The following MRM1 variants were observed in gnomAD, a reference collection of about 807,000 sequenced individuals.
The protein encoded by MRM1 is mitochondrial rRNA methyltransferase 1.
MRM1 carries 24 observed loss-of-function variants against 25.0 expected under a neutral mutation model. The observed-to-expected ratio is 0.96, with a 90% CI of 0.69 to 1.35. MRM1 has a LOEUF of 1.35. Among genes scored for constraint, MRM1 ranks in the 40% most tolerant of loss-of-function variants. The pLI, the probability that MRM1 is intolerant of heterozygous loss-of-function variation, is 0.00. For synonymous variants in MRM1, 188 were observed against 199.2 expected (o/e 0.94, Z 0.47); for missense variants, 431 against 464.1 (o/e 0.93, Z 0.65).
rs35548352 is a variant in MRM1, at chr17:36,605,153, AAGAG to A, written c.637-2497_637-2494del. On this transcript the variant is annotated intron_variant, in intron 2 of 4. Coordinates refer to ENST00000614766, the MANE Select transcript of MRM1 (RefSeq NM_024864.5). Reference sequence around the variant, plus strand: ...GAAACTCTATCTCAAAAAAAAAAAAAAGAGAGAGAGAGAGAGAGAGAGATGGGGT... The same window carrying A: ...GAAACTCTATCTCAAAAAAAAAAAAAAGAGAGAGAGAGAGAGAGATGGGGT... Among the ~76,000 whole-genome samples the A allele has an allele frequency of 4.5e-3, 651 of 145,186 alleles. 1 individual carries two copies. Among genetic ancestry groups the A allele is most frequent in the South Asian group, 6.8e-3 (31 of 4,566 alleles).
the MRM1 span, among the ~76,000 whole-genome samples, chr17:36,629,083 T>G: frequency 8.5e-5 from 13 of 152,226 alleles, no homozygotes; most frequent in South Asian, 4.1e-4. Context: ...TTGTTTAAGA[T>G]TTGCCAAAAA....
At chr17:36,604,903 G>T (rs892151586) in intron 2 of MRM1, among the ~76,000 whole-genome samples, 126 of 152,072 alleles carry the variant, frequency 8.3e-4, no homozygotes, top group African/African-American at 3.0e-3. Flanking sequence ...ACTTTGGGAG[G>T]CTGAGGCAGG....
At chr17:36,632,627 A>G in the MRM1 span, among the ~76,000 whole-genome samples, 1 of 151,950 alleles carries the variant, frequency 6.6e-6, no homozygotes, top group African/African-American at 2.4e-5. Flanking sequence ...TCCCCACCCC[A>G]ATTCTTTCTC....
the MRM1 span, among the ~76,000 whole-genome samples, chr17:36,620,066 T>C: frequency 6.6e-6 from 1 of 152,206 alleles, no homozygotes; most frequent in South Asian, 2.1e-4. Flanking sequence ...GCTATTGAGT[T>C]GTAGGAGTTC....
At chr17:36,620,690 G>A in the MRM1 span, among the ~76,000 whole-genome samples, 1 of 152,178 alleles carries the variant, frequency 6.6e-6, no homozygotes, top group East Asian at 1.9e-4. Context: ...GAGCTCAAAG[G>A]TTCAGCCAGC....
At chr17:36,631,597 G>A in the MRM1 span, among the ~76,000 whole-genome samples, 1 of 152,236 alleles carries the variant, frequency 6.6e-6, no homozygotes, top group Non-Finnish European at 1.5e-5. Context: ...CACACCAAAC[G>A]CGGGGCATCC....
At position 36,602,006 on chromosome 17, in the gene MRM1, C is replaced by A. The variant is rs150793618; in HGVS notation, c.196C>A (p.Arg66Ser). 185 of 1,611,424 alleles carry A rather than the reference C, an allele frequency of 1.1e-4. 1 individual carries two copies. The highest frequency in any genetic ancestry group is 1.5e-4 in the Non-Finnish European group (179 of 1,178,976). ...GTGTCTCCTGGCTCTGCAGGCCGCC[C>A]GCCGCTCTGTGGCCCGGCTCCTGCT... ...TPCLLALQAA[R>S]RSVARLLLQA... Residue 66 changes from arginine (R) to serine (S), a missense_variant, in exon 1 of 5, where the codon CGC (arginine) becomes AGC (serine). Arg to Ser is a moderately radical substitution (Grantham distance 110). Transcript: ENST00000614766. The surrounding 1 kb of genome is among the most constrained non-coding windows in gnomAD (Gnocchi z 4.1).
the MRM1 span, among the ~76,000 whole-genome samples, chr17:36,628,532 A>G: frequency 6.6e-6 from 1 of 152,308 alleles, no homozygotes; most frequent in East Asian, 1.9e-4. Flanking sequence ...ATGGACATGC[A>G]GGATGCAGTG....
At chr17:36,632,605 C>T in the MRM1 span, among the ~76,000 whole-genome samples, 1 of 152,244 alleles carries the variant, frequency 6.6e-6, no homozygotes. Flanking sequence ...TGTGCTCCCC[C>T]CCACTGCCAT....
intron 2 of MRM1, 128 bp from the exon 3 acceptor site, chr17:36,607,542 G>C: frequency 1.7e-6 from 2 of 1,149,342 alleles, no homozygotes; most frequent in Non-Finnish European, 2.4e-6. Context: ...AGGATCACCA[G>C]AACCCAGGCG....
At chr17:36,609,921 A>C (rs1029471245), downstream of MRM1, among the ~76,000 whole-genome samples, 1 of 152,176 alleles carries the variant, frequency 6.6e-6, no homozygotes, top group African/African-American at 2.4e-5. Flanking sequence ...TTGTTTAAAA[A>C]GGGCCTATGC....
the MRM1 span, among the ~76,000 whole-genome samples, chr17:36,623,243 C>T: frequency 6.6e-6 from 1 of 152,120 alleles, no homozygotes; most frequent in Non-Finnish European, 1.5e-5. Context: ...AATATTTAGG[C>T]CTGAGACAGT....
Position 36,608,023 on chromosome 17 carries a change from G to A in MRM1, c.889+5G>A, listed in dbSNP as rs753560909. On this transcript the variant is annotated splice_donor_5th_base_variant and intron_variant, in intron 4 of 4. Transcript: ENST00000614766. Reference sequence around the variant, plus strand: ...TGAACGTCTCTGTGGCTGCAGGTGAGTCTACTCCCCTTTCCCTTTCCTCTA... The same window carrying A: ...TGAACGTCTCTGTGGCTGCAGGTGAATCTACTCCCCTTTCCCTTTCCTCTA... The A allele has an allele frequency of 2.0e-5, 32 of 1,613,762 alleles. No homozygotes were observed. The highest frequency in any genetic ancestry group is 2.5e-5 in the Non-Finnish European group (29 of 1,179,938).
At chr17:36,623,909 C>T in the MRM1 span, among the ~76,000 whole-genome samples, 8 of 152,188 alleles carry the variant, frequency 5.3e-5, no homozygotes, top group East Asian at 1.9e-4. Context: ...TGGAAGCCCC[C>T]GCTCGGACCT....
chr17:36,623,634 C>A, the MRM1 span, among the ~76,000 whole-genome samples: 4 of 152,210 alleles, frequency 2.6e-5, no homozygotes, highest in Non-Finnish European at 5.9e-5. Context: ...GGTGGGGGCA[C>A]TCCAGCTCCT....
chr17:36,617,173 A>G, the MRM1 span, among the ~76,000 whole-genome samples: 43 of 152,202 alleles, frequency 2.8e-4, no homozygotes, highest in Middle Eastern at 6.8e-3. Context: ...TGCTGCAAAG[A>G]GCCTTGGCCC....
chr17:36,622,296 G>C, the MRM1 span, among the ~76,000 whole-genome samples: 7 of 152,158 alleles, frequency 4.6e-5, no homozygotes, highest in African/African-American at 1.7e-4. Context: ...TTCAGACTGG[G>C]CGTGGTGGCT....
At chr17:36,609,845 A>G (rs1437410043), downstream of MRM1, among the ~76,000 whole-genome samples, 12 of 152,354 alleles carry the variant, frequency 7.9e-5, no homozygotes, top group Non-Finnish European at 4.4e-5. Context: ...TTTCTCTGGA[A>G]TCCATCTGCA....
At chr17:36,624,745 TG>T in the MRM1 span, among the ~76,000 whole-genome samples, 1 of 152,176 alleles carries the variant, frequency 6.6e-6, no homozygotes, top group Non-Finnish European at 1.5e-5. This position sits in a 1 kb window ranked among gnomAD's most constrained non-coding sequence, Gnocchi z 4.0. Flanking sequence ...CTGGGGGTCC[TG>T]GGCTCTTCTT....
Sources: gnomAD v4.1 joint callset for allele counts (sites outside exome capture counted in the v4.1 genomes callset) on GRCh38, gnomAD v4.1.1 for gene constraint, Gnocchi (gnomAD v3.1) non-coding constraint, MANE v1.5 for transcripts, NCBI Gene and HGNC (gene_info 2026-07-23, HGNC 2026-07-21) for gene names.